The following CSMD2 variants were observed in gnomAD, a reference collection of about 807,000 sequenced individuals.
The protein encoded by CSMD2 is CUB and Sushi multiple domains 2.
A neutral mutation model predicts 398.5 loss-of-function variants in CSMD2; 130 were observed. That is an observed-to-expected ratio of 0.33 (90% CI 0.28 to 0.38). The LOEUF (loss-of-function observed/expected upper bound fraction) is 0.38. Ranked by LOEUF, CSMD2 falls within the 10% of genes least tolerant of loss-of-function variation. The probability of loss-of-function intolerance (pLI) is 1.00; values close to 1 mark genes in which losing one functional copy is unlikely to be tolerated. For missense variants in CSMD2, 3,829 were observed against 4,764.9 expected, an observed-to-expected ratio of 0.80 and a Z score of 5.78; for synonymous variants, 1,828 against 1,908.5, an observed-to-expected ratio of 0.96 and a Z score of 1.10.
intron 1 of CSMD2, among the ~76,000 whole-genome samples, chr1:34,153,998 G>T (rs1640570031): frequency 6.6e-6 from 1 of 151,964 alleles, no homozygotes; most frequent in African/African-American, 2.4e-5. Flanking sequence ...ATTAACAAAG[G>T]GCAACACCTA....
At chr1:33,964,226 A>C (rs1350079202) in intron 3 of CSMD2, among the ~76,000 whole-genome samples, 1 of 141,938 alleles carries the variant, frequency 7.0e-6, no homozygotes. Context: ...ACCACTTCCT[A>C]GATGTGGGAC....
chr1:34,045,694 C>A (rs1452620690), intron 2 of CSMD2, among the ~76,000 whole-genome samples: 1 of 152,190 alleles, frequency 6.6e-6, no homozygotes, highest in African/African-American at 2.4e-5. Context: ...GGAGTCACAG[C>A]AGACCCACCT....
intron 12 of CSMD2, among the ~76,000 whole-genome samples, chr1:33,787,264 T>C (rs952745071): frequency 2.6e-5 from 4 of 152,170 alleles, no homozygotes; most frequent in Admixed American, 2.0e-4. Flanking sequence ...TAAATGTCCG[T>C]TGTGTGAAGC....
intron 2 of CSMD2, among the ~76,000 whole-genome samples, chr1:34,052,718 A>T (rs1653352982): frequency 6.6e-6 from 1 of 152,142 alleles, no homozygotes; most frequent in African/African-American, 2.4e-5. Context: ...TGCTTACTCT[A>T]GTATGCTCAG....
intron 2 of CSMD2, among the ~76,000 whole-genome samples, chr1:34,051,293 G>T (rs1653144012): frequency 6.6e-6 from 1 of 152,164 alleles, no homozygotes; most frequent in Non-Finnish European, 1.5e-5. Flanking sequence ...TGTGATGCTT[G>T]CTGAAGACAA....
intron 32 of CSMD2, among the ~76,000 whole-genome samples, chr1:33,628,185 G>C (rs1407239244): frequency 6.6e-6 from 1 of 152,196 alleles, no homozygotes; most frequent in Non-Finnish European, 1.5e-5. Context: ...AGTGCAAGCA[G>C]CTGGATTCCA....
At chr1:34,097,929 C>T (rs1322857841) in intron 1 of CSMD2, among the ~76,000 whole-genome samples, 1 of 130,010 alleles carries the variant, frequency 7.7e-6, no homozygotes, top group Non-Finnish European at 1.6e-5. Context: ...ACCCAAAGGA[C>T]TATAAATCAT....
At chr1:34,159,338 C>CCCCCCCCCCCCCCCT (rs56893007) in intron 1 of CSMD2, among the ~76,000 whole-genome samples, 1 of 142,814 alleles carries the variant, frequency 7.0e-6, no homozygotes, top group Admixed American at 6.9e-5. Context: ...GCCCCCCCCC[C>CCCCCCCCCCCCCCCT]ACCCAGGAGC....
chr1:33,768,045 A>C (rs1045853538), intron 13 of CSMD2, among the ~76,000 whole-genome samples: 6 of 152,202 alleles, frequency 3.9e-5, no homozygotes, highest in African/African-American at 1.4e-4. Flanking sequence ...TTAATCTATA[A>C]ATTGAGAGAA....
At position 33,614,543 on chromosome 1, in the gene CSMD2, T is replaced by C. The variant is rs757085262; in HGVS notation, c.6094A>G (p.Met2032Val). 3 of 1,611,854 alleles carry C rather than the reference T, an allele frequency of 1.9e-6. No individual in the cohort carries two copies. The highest frequency in any genetic ancestry group is 2.2e-5 in the East Asian group (1 of 44,812). ...PGFPGNYPSN[M>V]DCSWKIALPV... is the part of the protein sequence containing the mutation. ...AGTGCTATTTTCCAGGAGCAGTCCATGTTACTGGGGTAGTTGCCTGGGAAG... is the reference window on the plus strand; with the variant it reads ...AGTGCTATTTTCCAGGAGCAGTCCACGTTACTGGGGTAGTTGCCTGGGAAG... Residue 2032 changes from methionine to valine, a missense_variant, in exon 40 of 71, where the codon ATG becomes GTG. Physicochemically the swap from Met to Val is conservative, Grantham distance 21. Around this residue, in one of 5 missense-constraint regions of CSMD2, gnomAD observed 2,001 missense variants for 2,567.1 expected, o/e 0.78. Transcript: ENST00000373381.
intron 5 of CSMD2, among the ~76,000 whole-genome samples, chr1:33,861,663 C>T (rs983600105): frequency 6.6e-6 from 1 of 152,132 alleles, no homozygotes; most frequent in African/African-American, 2.4e-5. Flanking sequence ...AGGGTCCCCG[C>T]AGGAAACAGA....
chr1:34,000,354 C>T (rs1646862516), intron 3 of CSMD2, among the ~76,000 whole-genome samples: 1 of 152,034 alleles, frequency 6.6e-6, no homozygotes, highest in South Asian at 2.1e-4. Flanking sequence ...GAATGATGGA[C>T]GGCCCTGTCT....
chr1:33,851,034 A>C (rs888317916), intron 5 of CSMD2, among the ~76,000 whole-genome samples: 2 of 152,198 alleles, frequency 1.3e-5, no homozygotes, highest in Non-Finnish European at 2.9e-5. Flanking sequence ...TGACTGTGCA[A>C]GGAATTGCTG....
At chr1:33,644,568 C>G (rs1643308008) in intron 29 of CSMD2, among the ~76,000 whole-genome samples, 1 of 152,076 alleles carries the variant, frequency 6.6e-6, no homozygotes. Context: ...TCTGGGTGTC[C>G]TCAGCTGTGT....
chr1:33,680,787 TG>T lies in CSMD2; in HGVS notation c.4052+12142del, dbSNP rs1365798772. Among the ~76,000 whole-genome samples the T allele has an allele frequency of 2.0e-5, 3 of 152,212 alleles. No individual in the cohort carries two copies. In the South Asian group the frequency reaches 6.2e-4, roughly 32 times the overall value. Reference sequence around the variant, plus strand: ...CCTGTTCCCCACTGCAGACTAGCACTGGACTGTGAAGTGTGTGAAAAATTAA... The same window carrying T: ...CCTGTTCCCCACTGCAGACTAGCACTGACTGTGAAGTGTGTGAAAAATTAA... On this transcript the variant is annotated intron_variant, in intron 25 of 70. Transcript: ENST00000373381.
chr1:33,661,759 C>T (rs987021528), intron 26 of CSMD2, among the ~76,000 whole-genome samples: 8 of 152,136 alleles, frequency 5.3e-5, no homozygotes, highest in Admixed American at 2.0e-4. Flanking sequence ...AGATGACAGA[C>T]GTAGCAGAAA....
rs1553226546 is a variant in CSMD2 at position 33,835,688 on chromosome 1, CA to C, written c.1034-9915del. Among the ~76,000 whole-genome samples the C allele has an allele frequency of 7.4e-4, 7 of 9,442 alleles. No individual in the cohort carries two copies. In the East Asian group the frequency reaches 0.068, roughly 92 times the overall value. 6.2% of individuals were successfully genotyped at this position (9,442 alleles called of 152,430 possible). A position where few individuals can be genotyped will look rare whatever the true frequency, so the allele number is the denominator to read the frequency against. ...TAAATTAAAACAAAACAAAACAAAACAAAAAAAACAAACAAAAATACATTTC... is the reference window on the plus strand; with the variant it reads ...TAAATTAAAACAAAACAAAACAAAACAAAAAAACAAACAAAAATACATTTC... On this transcript the variant is annotated intron_variant, in intron 6 of 70. Transcript: ENST00000373381.
chr1:33,811,004 T>G (rs1287111952), intron 9 of CSMD2, 140 bp from the exon 10 acceptor site: 1 of 905,422 alleles, frequency 1.1e-6, no homozygotes, highest in Non-Finnish European at 1.6e-6. Context: ...GGGTCCTTCC[T>G]CTACAGTTCT....
At chr1:33,870,950 G>A (rs1277654766) in intron 5 of CSMD2, 2 of 152,324 alleles carry the variant, frequency 1.3e-5, no homozygotes, top group Non-Finnish European at 2.9e-5. Context: ...CCAACACCCA[G>A]TGAGGAACTC....
Sources: allele counts gnomAD v4.1 joint callset (sites outside exome capture counted in the v4.1 genomes callset), GRCh38; gene constraint gnomAD v4.1.1; regional missense constraint gnomAD v4.1.1; transcripts MANE v1.5; gene names NCBI Gene and HGNC (gene_info 2026-07-23, HGNC 2026-07-21).